Variants in IL2RB observed in about 807,000 individuals in gnomAD.
The protein encoded by IL2RB is interleukin-2 receptor subunit beta.
IL2RB carries 17 observed loss-of-function variants against 44.2 expected under a neutral mutation model. That is an observed-to-expected ratio of 0.38 (90% CI 0.26 to 0.58). The LOEUF is 0.58. Among genes scored for constraint, IL2RB ranks in the 20% least tolerant of loss-of-function variants. The pLI is 0.63. For missense variants in IL2RB, 624 were observed against 685.5 expected, an observed-to-expected ratio of 0.91 and a Z score of 1.00; for synonymous variants, 286 against 297.9, an observed-to-expected ratio of 0.96 and a Z score of 0.41.
chr22:37,143,914 T>C (rs925351697), intron 2 of IL2RB, among the ~76,000 whole-genome samples, 171 bp downstream of exon 2: 4 of 123,652 alleles, frequency 3.2e-5, no homozygotes, highest in African/African-American at 2.0e-4. Flanking sequence ...TGTGTGTGTG[T>C]GTGTGCGCGC....
At chr22:37,142,298 C>T in intron 4 of IL2RB, 136 bp downstream of exon 4, 1 of 792,592 alleles carries the variant, frequency 1.3e-6, no homozygotes. Flanking sequence ...TTGCTCAGCG[C>T]TGGGCATCCT....
chr22:37,155,777 C>T (rs1411235100), intron 1 of IL2RB, among the ~76,000 whole-genome samples: 8 of 151,838 alleles, frequency 5.3e-5, no homozygotes, highest in South Asian at 2.1e-4. Flanking sequence ...ACGAGCTCCA[C>T]GCCTTGCTCC....
At chr22:37,174,042 C>T (rs1923372035) in intron 1 of IL2RB, among the ~76,000 whole-genome samples, 1 of 152,204 alleles carries the variant, frequency 6.6e-6, no homozygotes, top group African/African-American at 2.4e-5. Flanking sequence ...GAGTGGGACT[C>T]TGATCTTGCC....
intron 1 of IL2RB, among the ~76,000 whole-genome samples, chr22:37,172,468 A>G (rs58694376): frequency 0.025 from 3,844 of 152,118 alleles, 153 homozygotes; most frequent in African/African-American, 0.089. Context: ...CAACCATCCA[A>G]TAGGGCCCAG....
chr22:37,166,377 G>C (rs1164266610), intron 1 of IL2RB, among the ~76,000 whole-genome samples: 1 of 152,232 alleles, frequency 6.6e-6, no homozygotes, highest in Non-Finnish European at 1.5e-5. Context: ...CACGGAGCCT[G>C]CGCTTCCTGG....
At chr22:37,129,079 C>T in intron 9 of IL2RB, among the ~76,000 whole-genome samples, 1 of 152,216 alleles carries the variant, frequency 6.6e-6, no homozygotes, top group East Asian at 1.9e-4. Flanking sequence ...CACAGCCCAG[C>T]ACAGGCCTGC....
rs551829226 is a variant in IL2RB at position 37,141,950 on chromosome 22, A to G, written c.282+484T>C. Among the ~76,000 whole-genome samples the G allele has an allele frequency of 2.0e-4, 31 of 152,178 alleles. No individual in the cohort carries two copies. Among genetic ancestry groups the G allele is most frequent in the Admixed American group, 1.5e-3 (23 of 15,300 alleles). ...ACCCAACAAGGTAGGTGCCATTATT[A>G]TGCCCATTTTACAGAAGGGGAGACT... On this transcript the variant is annotated intron_variant, in intron 4 of 9. Transcript: ENST00000216223. This position sits in a 1 kb window ranked among gnomAD's most constrained non-coding sequence, Gnocchi z 4.4.
intron 9 of IL2RB, among the ~76,000 whole-genome samples, chr22:37,130,636 G>A (rs1213126405): frequency 6.6e-6 from 1 of 152,168 alleles, no homozygotes; most frequent in Non-Finnish European, 1.5e-5. Context: ...AAGCTGGAAT[G>A]GTTTGCAGCT....
chr22:37,130,641 G>A (rs1181715921), intron 9 of IL2RB, among the ~76,000 whole-genome samples: 1 of 152,222 alleles, frequency 6.6e-6, no homozygotes, highest in East Asian at 1.9e-4. Flanking sequence ...GGAATGGTTT[G>A]CAGCTCCCAC....
At chr22:37,135,674 G>GC (rs1921651834) in intron 7 of IL2RB, among the ~76,000 whole-genome samples, 1 of 152,204 alleles carries the variant, frequency 6.6e-6, no homozygotes, top group African/African-American at 2.4e-5. Context: ...GATCCCATGG[G>GC]CCCCCCTGGT....
intron 7 of IL2RB, 47 bp downstream of exon 7, chr22:37,136,181 G>GC: frequency 6.4e-7 from 1 of 1,563,528 alleles, no homozygotes. Flanking sequence ...TCCTCCAGCC[G>GC]CCCCCTCCTG....
At position 37,143,541 on chromosome 22, in the gene IL2RB, G is replaced by A. The variant is rs753385492; in HGVS notation, c.183C>T (p.Val61=). The stretch of plus-strand genomic sequence containing the variant: ...CTCACCGTCTGTCCGGCCAGGCATG[G>A]ACTTGGCAGGAAGTGTCCTGCAGAG... ...DGALQDTSCQ[V]HAWPDRRRWN... Residue 61 remains valine, a synonymous_variant, in exon 3 of 10, where the codon GTC becomes GTT. Transcript: ENST00000216223. 1.2e-6 allele frequency: 2 copies of A among 1,612,876 alleles called. No individual in the cohort carries two copies. Among genetic ancestry groups the A allele is most frequent in the Non-Finnish European group, 1.7e-6 (2 of 1,178,924 alleles).
intron 3 of IL2RB, among the ~76,000 whole-genome samples, chr22:37,143,039 G>A (rs1601602749): frequency 6.6e-6 from 1 of 151,842 alleles, no homozygotes; most frequent in South Asian, 2.1e-4. Context: ...TCACTCACTG[G>A]CCGCCTGGAT....
In IL2RB at chr22:37,128,456, G is replaced by A. The variant is rs143704470; in HGVS notation, c.1296C>T (p.Pro432=). Residue 432 remains proline (P), a synonymous_variant, in exon 10 of 10, where the codon CCC becomes CCT. Transcript: ENST00000216223. The surrounding 1 kb of genome is among the most constrained non-coding windows in gnomAD (Gnocchi z 4.5). ...PSRDDLLLFS[P]SLLGGPSPPS... ...GGGGGCTGGGGCCACCGAGGAGACT[G>A]GGGGAGAAGAGCAGCAGGTCATCCC... 3.8e-5 allele frequency: 59 copies of A among 1,570,772 alleles called. No individual in the cohort carries two copies. The East Asian group carries it at 1.1e-3, about 30-fold the overall frequency.
At chr22:37,135,482 A>T in intron 7 of IL2RB, 40 bp from the exon 8 acceptor site, 1 of 1,333,386 alleles carries the variant, frequency 7.5e-7, no homozygotes, top group Non-Finnish European at 1.1e-6. Context: ...GAGGGGTTAG[A>T]GAAGTGCCCT....
rs1329743769 is a variant in IL2RB, at chr22:37,144,192, C to T, written c.-20G>A. 1.3e-6 allele frequency: 2 copies of T among 1,548,042 alleles called. No homozygotes were observed. Among genetic ancestry groups the T allele is most frequent in the East Asian group, 2.4e-5 (1 of 40,914 alleles). On this transcript the variant is annotated 5_prime_UTR_variant, in exon 2 of 10. Transcript: ENST00000216223. ...CGCCATTACATCCACAGGGTGGAGC[C>T]GAGGAAGGAAGCCCTGGTGGGAGAG...
At chr22:37,134,340 C>T (rs1021790194) in intron 8 of IL2RB, among the ~76,000 whole-genome samples, 4 of 152,120 alleles carry the variant, frequency 2.6e-5, no homozygotes, top group African/African-American at 9.7e-5. Flanking sequence ...CGTGGGGGCT[C>T]ACACCTGTAA....
chr22:37,161,758 A>G (rs1319478347), intron 1 of IL2RB: 3 of 151,620 alleles, frequency 2.0e-5, no homozygotes, highest in Admixed American at 6.6e-5. Context: ...GTTCCAGACC[A>G]CAGGCTGGGA....
At chr22:37,133,504 C>G (rs1289765426) in intron 8 of IL2RB, among the ~76,000 whole-genome samples, 1 of 152,226 alleles carries the variant, frequency 6.6e-6, no homozygotes, top group Non-Finnish European at 1.5e-5. Context: ...GCCCCTGACT[C>G]ACTGCCTTCC....
Sources: allele counts gnomAD v4.1 joint callset (sites outside exome capture counted in the v4.1 genomes callset), GRCh38; gene constraint gnomAD v4.1.1; non-coding constraint Gnocchi (gnomAD v3.1); transcripts MANE v1.5; gene names NCBI Gene and HGNC (gene_info 2026-07-23, HGNC 2026-07-21).